Variants in PCDHGA3 observed in about 807,000 individuals in gnomAD.
The protein encoded by PCDHGA3 is protocadherin gamma subfamily A, 3.
Under a neutral mutation model 58.5 loss-of-function variants are expected in PCDHGA3, and 40 were observed. The ratio of observed to expected loss-of-function variants is 0.68; its 90% confidence interval spans 0.53 to 0.89. The LOEUF (loss-of-function observed/expected upper bound fraction) is 0.89. Among genes scored for constraint, PCDHGA3 ranks in the 40% least tolerant of loss-of-function variants. The pLI, the probability that PCDHGA3 is intolerant of heterozygous loss-of-function variation, is 0.00. For synonymous variants in PCDHGA3, 530 were observed against 525.7 expected, an observed-to-expected ratio of 1.01 and a Z score of -0.11; for missense variants, 1,223 against 1,195.9, an observed-to-expected ratio of 1.02 and a Z score of -0.33.
chr5:141,456,042 C>T (rs1437027249), intron 1 of PCDHGA3, among the ~76,000 whole-genome samples: 3 of 151,886 alleles, frequency 2.0e-5, no homozygotes, highest in Non-Finnish European at 2.9e-5. Flanking sequence ...GGACTACAGG[C>T]GCCCACCACC....
At chr5:141,484,311 C>T (rs1234690996) in intron 1 of PCDHGA3, among the ~76,000 whole-genome samples, 2 of 152,196 alleles carry the variant, frequency 1.3e-5, no homozygotes, top group African/African-American at 4.8e-5. Flanking sequence ...CTCCACCCCG[C>T]TTCCATACTG....
chr5:141,448,894 G>A (rs2098614669), intron 1 of PCDHGA3, among the ~76,000 whole-genome samples: 2 of 152,098 alleles, frequency 1.3e-5, no homozygotes, highest in South Asian at 4.1e-4. Context: ...GCAGTGAGCC[G>A]AGATCGTGCC....
intron 1 of PCDHGA3, among the ~76,000 whole-genome samples, chr5:141,470,181 A>G (rs974401154): frequency 3.9e-5 from 6 of 152,236 alleles, no homozygotes; most frequent in African/African-American, 9.6e-5. Flanking sequence ...AAAATATTCA[A>G]GTAAACTTCA....
intron 1 of PCDHGA3, chr5:141,383,148 C>G (rs1326737910): frequency 6.2e-7 from 1 of 1,614,124 alleles, no homozygotes; most frequent in Non-Finnish European, 8.5e-7. Context: ...GCAGCGGCAG[C>G]TTGGTCACTG....
chr5:141,435,897 A>G (rs1206255678), intron 1 of PCDHGA3, among the ~76,000 whole-genome samples: 2 of 152,166 alleles, frequency 1.3e-5, no homozygotes, highest in East Asian at 1.9e-4. Context: ...TAGAGAATGA[A>G]AGACATCCAA....
intron 2 of PCDHGA3, among the ~76,000 whole-genome samples, chr5:141,495,223 G>T (rs924599140): frequency 6.6e-6 from 1 of 152,208 alleles, no homozygotes; most frequent in South Asian, 2.1e-4. Flanking sequence ...CCTGAGTTGA[G>T]CTGGGCTCCA....
At position 141,415,393 on chromosome 5, in the gene PCDHGA3, T is replaced by C. The variant is rs574028530; in HGVS notation, c.2424+68936T>C. On this transcript the variant is annotated intron_variant, in intron 1 of 3. Transcript: ENST00000253812. ...TTCAGGAGGCGGCTTGACAGGTGTG[T>C]CCGGCTCGCACTTTGTGGGCGTGGA... 1.1e-5 allele frequency: 17 copies of C among 1,614,190 alleles called. No individual in the cohort carries two copies. In the East Asian group the frequency reaches 2.5e-4, roughly 23 times the overall value.
Position 141,476,023 on chromosome 5 carries a change from G to A in PCDHGA3, c.2425-18784G>A. 1 of 1,415,690 alleles carries A rather than the reference G, an allele frequency of 7.1e-7. No homozygotes were observed. The highest frequency in any genetic ancestry group is 2.3e-5 in the Admixed American group (1 of 43,980). 87.7% of individuals were successfully genotyped at this position (1,415,690 alleles called of 1,614,324 possible). A position where few individuals can be genotyped will look rare whatever the true frequency, so the allele number is the denominator to read the frequency against. ...CATCCAGAAAGCCATGTCGGACTCG[G>A]CGCCCAGCGCCCAAGCGCTAACCCG... On this transcript the variant is annotated intron_variant, in intron 1 of 3. Coordinates refer to ENST00000253812, the MANE Select transcript of PCDHGA3 (RefSeq NM_018916.4). This position sits in a 1 kb window ranked among gnomAD's most constrained non-coding sequence, Gnocchi z 7.6.
chr5:141,365,428 C>A (rs1588613200), intron 1 of PCDHGA3: 1 of 1,613,992 alleles, frequency 6.2e-7, no homozygotes, highest in Non-Finnish European at 8.5e-7. Flanking sequence ...GAACTGTAAT[C>A]GCGCTGTTTA....
chr5:141,466,375 C>A (rs2099121518), intron 1 of PCDHGA3, among the ~76,000 whole-genome samples: 1 of 152,042 alleles, frequency 6.6e-6, no homozygotes, highest in Non-Finnish European at 1.5e-5. Context: ...GGTTTTGGCA[C>A]CCATCTAATG....
chr5:141,419,285 G>A, intron 1 of PCDHGA3: 2 of 1,614,028 alleles, frequency 1.2e-6, no homozygotes, highest in East Asian at 4.5e-5. Context: ...GCAAGTCAGT[G>A]CCTCTGACCC....
intron 1 of PCDHGA3, chr5:141,383,529 G>C (rs367939205): frequency 2.4e-5 from 39 of 1,612,356 alleles, no homozygotes; most frequent in Non-Finnish European, 3.1e-5. Flanking sequence ...TTCACCACCT[G>C]GTCCTCACAG....
At position 141,402,884 on chromosome 5, in the gene PCDHGA3, T is replaced by C. The variant is rs73792196; in HGVS notation, c.2424+56427T>C. Reference sequence around the variant, plus strand: ...GAAAAGATCACCATACTTTGCAGGGTGGAAGAAAGAACCTGATGAAGCAGC... The same window carrying C: ...GAAAAGATCACCATACTTTGCAGGGCGGAAGAAAGAACCTGATGAAGCAGC... On this transcript the variant is annotated intron_variant, in intron 1 of 3. Transcript: ENST00000253812. The C allele has an allele frequency of 1.4e-3, 2,074 of 1,481,580 alleles. 26 individuals carry two copies. The African/African-American group carries it at 0.026, about 18-fold the overall frequency. The allele number at this position is 1,481,580 out of a possible 1,614,324, so 91.8% of individuals were successfully genotyped here.
intron 1 of PCDHGA3, chr5:141,412,984 C>A: frequency 1.8e-6 from 1 of 558,874 alleles, no homozygotes; most frequent in Non-Finnish European, 3.0e-6. Context: ...GCAGCCAGAG[C>A]TCAATCCGGA....
chr5:141,463,747 G>A (rs994400482), intron 1 of PCDHGA3, among the ~76,000 whole-genome samples: 13 of 152,082 alleles, frequency 8.5e-5, no homozygotes, highest in Middle Eastern at 3.4e-3. Context: ...CGCCCGGCCT[G>A]CTTCTCTTCT....
At chr5:141,488,157 C>T (rs565677003) in intron 1 of PCDHGA3, among the ~76,000 whole-genome samples, 2 of 152,216 alleles carry the variant, frequency 1.3e-5, no homozygotes, top group South Asian at 2.1e-4. Context: ...TAGAGAGGCA[C>T]GCATCAGAGT....
intron 1 of PCDHGA3, among the ~76,000 whole-genome samples, chr5:141,446,621 C>G (rs1284919173): frequency 6.6e-6 from 1 of 152,094 alleles, no homozygotes; most frequent in African/African-American, 2.4e-5. Context: ...GGACTACAGG[C>G]GTGCACCACC....
At chr5:141,386,815 T>G (rs1043016890) in intron 1 of PCDHGA3, among the ~76,000 whole-genome samples, 22 of 152,220 alleles carry the variant, frequency 1.4e-4, no homozygotes, top group African/African-American at 4.8e-4. Context: ...TGCATAAAAT[T>G]GTTTTTAAGC....
chr5:141,487,032 C>T lies in PCDHGA3; in HGVS notation c.2425-7775C>T. 6.2e-7 allele frequency: 1 copy of T among 1,614,210 alleles called. No individual in the cohort carries two copies. The highest frequency in any genetic ancestry group is 1.1e-5 in the South Asian group (1 of 91,084). ...GAGGCCCCAGATCCCAGCCTGTTTG[C>T]AGTCTCTCGATATGCTGGGGAGGTG... On this transcript the variant is annotated intron_variant, in intron 1 of 3. Coordinates refer to ENST00000253812, the MANE Select transcript of PCDHGA3 (RefSeq NM_018916.4). The surrounding 1 kb of genome is among the most constrained non-coding windows in gnomAD (Gnocchi z 5.0).
Sources: gnomAD v4.1 joint callset for allele counts (sites outside exome capture counted in the v4.1 genomes callset) on GRCh38, gnomAD v4.1.1 for gene constraint, Gnocchi (gnomAD v3.1) non-coding constraint, MANE v1.5 for transcripts, NCBI Gene and HGNC (gene_info 2026-07-23, HGNC 2026-07-21) for gene names.